The following GATAD1 variants were observed in gnomAD, a reference collection of about 807,000 sequenced individuals.
The protein encoded by GATAD1 is GATA zinc finger domain-containing protein 1.
In GATAD1, 12 loss-of-function variants were observed where a neutral mutation model predicts 26.5. The ratio of observed to expected loss-of-function variants is 0.45; its 90% CI spans 0.29 to 0.73. GATAD1 has a LOEUF of 0.73. Ranked by LOEUF, GATAD1 falls within the 30% of genes least tolerant of loss-of-function variation. GATAD1 has a pLI of 0.10. For synonymous variants in GATAD1, 129 were observed against 133.1 expected (o/e 0.97, Z 0.21); for missense variants, 266 against 342.1 (o/e 0.78, Z 1.75).
At chr7:92,451,013 T>C (rs1450684520) in intron 3 of GATAD1, among the ~76,000 whole-genome samples, 1 of 151,950 alleles carries the variant, frequency 6.6e-6, no homozygotes, top group African/African-American at 2.4e-5. Context: ...TTAGTGTAGA[T>C]TGTAGGAATT....
the GATAD1 span, chr7:92,489,792 T>G: frequency 1.2e-6 from 2 of 1,614,172 alleles, no homozygotes; most frequent in Non-Finnish European, 1.7e-6. Context: ...GTGTAAGTTC[T>G]TGGCAACCCT....
chr7:92,467,478 C>T, the GATAD1 span, among the ~76,000 whole-genome samples: 1 of 152,188 alleles, frequency 6.6e-6, no homozygotes, highest in Admixed American at 6.5e-5. Flanking sequence ...TTACAGTGCC[C>T]ATCCTAAATT....
the GATAD1 span, among the ~76,000 whole-genome samples, chr7:92,485,261 T>C: frequency 6.6e-6 from 1 of 152,214 alleles, no homozygotes; most frequent in Non-Finnish European, 1.5e-5. Flanking sequence ...TAGCTTGGGC[T>C]CAGAGGCCTG....
chr7:92,473,174 C>G, the GATAD1 span: 1 of 152,278 alleles, frequency 6.6e-6, no homozygotes, highest in Middle Eastern at 3.4e-3. Context: ...ACTCTGCTTC[C>G]TCTGGTATTT....
chr7:92,490,659 A>G, the GATAD1 span, among the ~76,000 whole-genome samples: 9 of 150,908 alleles, frequency 6.0e-5, no homozygotes, highest in Admixed American at 5.9e-4. Context: ...AAAAGCCTAA[A>G]TTAATAAAGC....
chr7:92,469,845 C>G, the GATAD1 span: 5 of 773,388 alleles, frequency 6.5e-6, no homozygotes, highest in East Asian at 1.2e-4. Flanking sequence ...GGTTTTGGGC[C>G]GAGACCTCAT....
At chr7:92,470,907 T>C in the GATAD1 span, 1 of 167,472 alleles carries the variant, frequency 6.0e-6, no homozygotes, top group East Asian at 1.9e-4. Flanking sequence ...GTGGGTTTCC[T>C]GGGTTTGCTT....
chr7:92,480,240 G>T, the GATAD1 span, among the ~76,000 whole-genome samples: 1 of 151,128 alleles, frequency 6.6e-6, no homozygotes, highest in Non-Finnish European at 1.5e-5. Context: ...CAGAAGGGAA[G>T]AAATGACTGC....
chr7:92,464,626 A>G (rs1407404308), downstream of GATAD1, among the ~76,000 whole-genome samples: 2 of 152,220 alleles, frequency 1.3e-5, no homozygotes, highest in Non-Finnish European at 2.9e-5. Context: ...ATGAAAGCCT[A>G]GGAAAGGGCC....
the GATAD1 span, chr7:92,469,822 C>T: frequency 1.2e-5 from 9 of 769,954 alleles, no homozygotes; most frequent in Non-Finnish European, 2.2e-5. Context: ...GAGGCATATC[C>T]AACAGTTAGT....
the GATAD1 span, chr7:92,492,825 T>C: frequency 1.3e-6 from 1 of 764,014 alleles, no homozygotes; most frequent in South Asian, 1.5e-5. Context: ...CAACTAAAGG[T>C]AAATTTATGT....
chr7:92,447,800 C>T lies in GATAD1; in HGVS notation c.71C>T (p.Ala24Val), dbSNP rs1057524462. The T allele has an allele frequency of 7.4e-6, 11 of 1,493,160 alleles. No homozygotes were observed. The highest frequency in any genetic ancestry group is 8.9e-6 in the Non-Finnish European group (10 of 1,120,802). 92.5% of individuals were successfully genotyped at this position (1,493,160 alleles called of 1,614,324 possible). The part of the protein sequence containing the change: ...TTSSSMWKKG[A>V]QGEILCHHCT... ...TCGTCCTCCATGTGGAAGAAGGGAG[C>T]GCAGGGGGAGATCCTCTGCCATCAT... The change falls in exon 1 of 5, where the codon GCG becomes GTG. Residue 24 changes from alanine (A) to valine (V), a missense_variant. Ala to Val is a moderately conservative substitution (Grantham distance 64, BLOSUM62 0). Coordinates refer to ENST00000287957, the MANE Select transcript of GATAD1 (RefSeq NM_021167.5).
At chr7:92,489,887 T>G in the GATAD1 span, 1 of 1,614,038 alleles carries the variant, frequency 6.2e-7, no homozygotes, top group East Asian at 2.2e-5. Flanking sequence ...GTCATGGAGC[T>G]TGGTGCAGAG....
downstream of GATAD1, among the ~76,000 whole-genome samples, chr7:92,462,028 CAT>C (rs1200722210): frequency 5.3e-5 from 8 of 152,180 alleles, no homozygotes; most frequent in African/African-American, 1.7e-4. Flanking sequence ...TGTAAATTAA[CAT>C]AGCTTTTTAG....
Position 92,459,954 on chromosome 7 carries a change from T to A in GATAD1, c.*3392T>A, listed in dbSNP as rs901454763. Among the ~76,000 whole-genome samples the A allele has an allele frequency of 6.6e-6, 1 of 152,254 alleles. No individual in the cohort carries two copies. The highest frequency in any genetic ancestry group is 1.5e-5 in the Non-Finnish European group (1 of 68,042). ...GAATAGTCAAGTAAAATTTAGATTGTTACATTCTGGGTTAGTATTAGATTG... is the reference window on the plus strand; with the variant it reads ...GAATAGTCAAGTAAAATTTAGATTGATACATTCTGGGTTAGTATTAGATTG... On this transcript the variant is annotated 3_prime_UTR_variant, in exon 5 of 5. Transcript: ENST00000287957.
chr7:92,492,836 T>C, the GATAD1 span: 2 of 809,178 alleles, frequency 2.5e-6, no homozygotes, highest in Non-Finnish European at 4.4e-6. Flanking sequence ...AAATTTATGT[T>C]TCTATACAGT....
In GATAD1 at chr7:92,459,498, C is replaced by T. The variant is rs1465294794; in HGVS notation, c.*2936C>T. On this transcript the variant is annotated 3_prime_UTR_variant, in exon 5 of 5. Transcript: ENST00000287957. ...ACCTGATATGGCCCTGGTCTGTGTT[C>T]CCAGCCTTGTTTCCTCATTACCACT... is the stretch of plus-strand genomic sequence containing the variant. 1 of 152,130 alleles carries T rather than the reference C, an allele frequency of 6.6e-6. No homozygotes were observed. Among genetic ancestry groups the T allele is most frequent in the Non-Finnish European group, 1.5e-5 (1 of 68,028 alleles). The allele number at this position is 152,130 out of a possible 1,614,324, so 9.4% of individuals were successfully genotyped here.
chr7:92,491,897 G>A, the GATAD1 span, among the ~76,000 whole-genome samples: 2 of 152,054 alleles, frequency 1.3e-5, no homozygotes, highest in African/African-American at 2.4e-5. Context: ...AAAGGGAGAG[G>A]GAAGAACTTC....
rs922284016 is a variant in GATAD1 at position 92,447,542 on chromosome 7, C to T, written c.-188C>T. 41 of 629,736 alleles carry T rather than the reference C, an allele frequency of 6.5e-5. No homozygotes were observed. The Middle Eastern group carries it at 3.1e-3, about 48-fold the overall frequency. The allele number at this position is 629,736 out of a possible 1,614,324, so 39.0% of individuals were successfully genotyped here. ...GGAATCCTGGCCTCCGCCTGCGGAG[C>T]CGGCGGAACCCGCTTCCCGCCTCCA... is the stretch of plus-strand genomic sequence containing the variant. On this transcript the variant is annotated 5_prime_UTR_variant, in exon 1 of 5. Transcript: ENST00000287957.
Sources: allele counts gnomAD v4.1 joint callset (sites outside exome capture counted in the v4.1 genomes callset), GRCh38; gene constraint gnomAD v4.1.1; transcripts MANE v1.5; gene names NCBI Gene and HGNC (gene_info 2026-07-23, HGNC 2026-07-21).